The following SLC71A2 variants were observed in gnomAD, a reference collection of about 807,000 sequenced individuals.
SLC71A2 encodes the protein hippocampus abundant transcript-like 1.
chr9:94,439,507 G>A, the SLC71A2 span, among the ~76,000 whole-genome samples: 1 of 150,050 alleles, frequency 6.7e-6, no homozygotes, highest in East Asian at 2.0e-4. Context: ...ACTTACATAT[G>A]GAAGTTTTGT....
the SLC71A2 span, among the ~76,000 whole-genome samples, chr9:94,401,233 C>G: frequency 6.6e-6 from 1 of 152,046 alleles, no homozygotes; most frequent in African/African-American, 2.4e-5. Flanking sequence ...TGCAGTGGCG[C>G]GATCTTGGCT....
At chr9:94,424,220 A>G in the SLC71A2 span, among the ~76,000 whole-genome samples, 3 of 150,694 alleles carry the variant, frequency 2.0e-5, no homozygotes, top group African/African-American at 2.5e-5. Flanking sequence ...GTTAACTTCT[A>G]TAGTAATATG....
At chr9:94,452,134 GTAAA>G in the SLC71A2 span, among the ~76,000 whole-genome samples, 1 of 152,220 alleles carries the variant, frequency 6.6e-6, no homozygotes, top group Non-Finnish European at 1.5e-5. Flanking sequence ...AACCAAAATA[GTAAA>G]TAATTATAAT....
At chr9:94,384,177 C>CAA in the SLC71A2 span, among the ~76,000 whole-genome samples, 1 of 152,190 alleles carries the variant, frequency 6.6e-6, no homozygotes, top group South Asian at 2.1e-4. Flanking sequence ...CATTCCCTGA[C>CAA]AACCACCATT....
At chr9:94,374,821 T>A in the SLC71A2 span, 1 of 755,068 alleles carries the variant, frequency 1.3e-6, no homozygotes. Context: ...GGCCGCGGCA[T>A]GAGCGTGGAG....
At chr9:94,429,063 A>T in the SLC71A2 span, 3 of 1,395,164 alleles carry the variant, frequency 2.2e-6, no homozygotes, top group Non-Finnish European at 1.9e-6. Context: ...ATTTTTTTGA[A>T]TTTTGTTGAT....
chr9:94,432,890 G>C, the SLC71A2 span: 1 of 401,486 alleles, frequency 2.5e-6, no homozygotes, highest in Admixed American at 3.1e-5. Flanking sequence ...GTTGGCACTA[G>C]TGAGAGCAAG....
chr9:94,455,154 T>C, the SLC71A2 span, among the ~76,000 whole-genome samples: 1 of 124,374 alleles, frequency 8.0e-6, no homozygotes, highest in Non-Finnish European at 1.6e-5. Context: ...GCTTGCTCTT[T>C]CCTTTTTTTT....
the SLC71A2 span, among the ~76,000 whole-genome samples, chr9:94,419,298 CTT>C: frequency 2.9e-4 from 38 of 132,638 alleles, no homozygotes; most frequent in Middle Eastern, 4.0e-3. Context: ...ACTTTTTTTT[CTT>C]TTTTTTTTTT....
chr9:94,459,372 C>T, the SLC71A2 span: 1 of 1,614,010 alleles, frequency 6.2e-7, no homozygotes, highest in South Asian at 1.1e-5. Context: ...TGGGAGCTCT[C>T]TTCATTTGAG....
At chr9:94,447,717 T>G in the SLC71A2 span, among the ~76,000 whole-genome samples, 13 of 152,312 alleles carry the variant, frequency 8.5e-5, no homozygotes, top group African/African-American at 2.9e-4. Context: ...ATGCTTAGTG[T>G]TGTACATTCT....
the SLC71A2 span, among the ~76,000 whole-genome samples, chr9:94,409,703 G>T: frequency 6.6e-6 from 1 of 151,932 alleles, no homozygotes; most frequent in African/African-American, 2.4e-5. Context: ...AACTTTCCTT[G>T]TGATTTCTTT....
chr9:94,431,312 C>CAAAAA, the SLC71A2 span, among the ~76,000 whole-genome samples: 1 of 101,280 alleles, frequency 9.9e-6, no homozygotes, highest in Non-Finnish European at 1.9e-5. Flanking sequence ...GACTCCGTCT[C>CAAAAA]AAAAAAAAAA....
the SLC71A2 span, among the ~76,000 whole-genome samples, chr9:94,418,211 G>GT: frequency 6.6e-6 from 1 of 151,988 alleles, no homozygotes. Flanking sequence ...CTGAGGAGCT[G>GT]TTTATTTATT....
the SLC71A2 span, among the ~76,000 whole-genome samples, chr9:94,439,238 T>C: frequency 2.0e-5 from 3 of 151,922 alleles, no homozygotes; most frequent in Non-Finnish European, 4.4e-5. Context: ...TTGAACTGAC[T>C]CCTGGTTATC....
chr9:94,390,441 C>T, the SLC71A2 span, among the ~76,000 whole-genome samples: 1 of 150,570 alleles, frequency 6.6e-6, no homozygotes, highest in Non-Finnish European at 1.5e-5. Context: ...GTAAAAGTAG[C>T]TGAGACGTCA....
At chr9:94,405,278 G>A in the SLC71A2 span, among the ~76,000 whole-genome samples, 6 of 152,116 alleles carry the variant, frequency 3.9e-5, no homozygotes, top group East Asian at 5.8e-4. Flanking sequence ...GGCAGATCAC[G>A]AGGTCAGGAG....
the SLC71A2 span, chr9:94,458,281 T>G: frequency 6.3e-7 from 1 of 1,581,408 alleles, no homozygotes; most frequent in Non-Finnish European, 8.6e-7. Context: ...TTGAGATGCC[T>G]TTCTGAGAAG....
At chr9:94,445,573 C>G in the SLC71A2 span, among the ~76,000 whole-genome samples, 3 of 152,066 alleles carry the variant, frequency 2.0e-5, no homozygotes, top group Admixed American at 6.5e-5. Flanking sequence ...TAATTTTGAC[C>G]AGAGACGTTT....
Sources: gnomAD v4.1 joint callset for allele counts (sites outside exome capture counted in the v4.1 genomes callset) on GRCh38, gnomAD v4.1.1 for gene constraint, MANE v1.5 for transcripts, NCBI Gene and HGNC (gene_info 2026-07-23, HGNC 2026-07-21) for gene names.